Variants in TMEM135 observed in about 807,000 individuals in gnomAD.
TMEM135 encodes transmembrane protein 135.
Under a neutral mutation model 60.3 loss-of-function variants are expected in TMEM135, and 30 were observed. The observed-to-expected ratio is 0.50, with a 90% CI of 0.37 to 0.68. The LOEUF is 0.68. TMEM135 is among the 30% of genes least tolerant of loss of function. The pLI, the probability that TMEM135 is intolerant of heterozygous loss-of-function variation, is 0.00. For missense variants in TMEM135, 468 were observed against 548.8 expected, an observed-to-expected ratio of 0.85 and a Z score of 1.47; for synonymous variants, 190 against 186.7, an observed-to-expected ratio of 1.02 and a Z score of -0.14.
intron 6 of TMEM135, among the ~76,000 whole-genome samples, chr11:87,237,295 A>G (rs1041616727): frequency 3.9e-5 from 6 of 152,044 alleles, no homozygotes; most frequent in African/African-American, 1.4e-4. Context: ...ATGATTTTTG[A>G]TTAGGGAGAG....
At chr11:87,297,562 ACTTAGT>A (rs1942368446) in intron 7 of TMEM135, among the ~76,000 whole-genome samples, 1 of 152,242 alleles carries the variant, frequency 6.6e-6, no homozygotes. Context: ...AGAAGGAAAA[ACTTAGT>A]CTTGTTTTCC....
At chr11:87,273,077 T>C (rs566781787) in intron 6 of TMEM135, among the ~76,000 whole-genome samples, 2 of 152,296 alleles carry the variant, frequency 1.3e-5, no homozygotes, top group African/African-American at 4.8e-5. Context: ...ATATTTATTA[T>C]TCTCAGTGAT....
At chr11:87,298,258 T>G (rs931816258) in intron 7 of TMEM135, among the ~76,000 whole-genome samples, 2 of 152,140 alleles carry the variant, frequency 1.3e-5, no homozygotes, top group African/African-American at 4.8e-5. Context: ...TAAACTTTGG[T>G]GAGGAAAGGA....
intron 3 of TMEM135, among the ~76,000 whole-genome samples, chr11:87,074,623 T>A (rs1248155230): frequency 6.6e-6 from 1 of 152,238 alleles, no homozygotes; most frequent in Non-Finnish European, 1.5e-5. Flanking sequence ...AGTCAATGGT[T>A]ATTAACATTT....
chr11:87,064,782 A>G (rs1277457166), intron 1 of TMEM135, among the ~76,000 whole-genome samples: 1 of 152,078 alleles, frequency 6.6e-6, no homozygotes, highest in Non-Finnish European at 1.5e-5. Context: ...TACTTGGGAG[A>G]TTGAGGCAGG....
At chr11:87,080,852 A>G (rs1319301154) in intron 3 of TMEM135, among the ~76,000 whole-genome samples, 1 of 151,470 alleles carries the variant, frequency 6.6e-6, no homozygotes, top group African/African-American at 2.4e-5. Flanking sequence ...ACGCCTGGCT[A>G]ATTTTGTATT....
intron 5 of TMEM135, among the ~76,000 whole-genome samples, chr11:87,225,477 T>A (rs940497071): frequency 7.2e-5 from 11 of 152,112 alleles, no homozygotes; most frequent in Middle Eastern, 3.4e-3. Flanking sequence ...CTCCCTTTTT[T>A]ACAAGGACAG....
intron 4 of TMEM135, among the ~76,000 whole-genome samples, chr11:87,105,416 T>C (rs1270274389): frequency 2.6e-5 from 4 of 152,082 alleles, no homozygotes; most frequent in African/African-American, 9.7e-5. Context: ...GGTGGAACAG[T>C]TTCATCCTGA....
intron 4 of TMEM135, among the ~76,000 whole-genome samples, chr11:87,150,306 C>A (rs959434051): frequency 2.0e-4 from 30 of 151,994 alleles, no homozygotes; most frequent in African/African-American, 7.0e-4. Flanking sequence ...GCTTCTAACA[C>A]ATGAATTCCA....
intron 4 of TMEM135, among the ~76,000 whole-genome samples, chr11:87,106,658 A>G (rs746689808): frequency 1.3e-5 from 2 of 152,132 alleles, no homozygotes; most frequent in African/African-American, 2.4e-5. Flanking sequence ...GTAAGTGTTT[A>G]TTAGAATTCA....
chr11:87,172,518 G>A (rs753113636), intron 5 of TMEM135, among the ~76,000 whole-genome samples: 1 of 151,774 alleles, frequency 6.6e-6, no homozygotes, highest in Non-Finnish European at 1.5e-5. Context: ...CCTTCCAGGA[G>A]CATGGTGTAC....
At chr11:87,157,636 T>A (rs1053217967) in intron 5 of TMEM135, 10 of 431,644 alleles carry the variant, frequency 2.3e-5, no homozygotes, top group African/African-American at 1.0e-4. Flanking sequence ...TTATCAAATA[T>A]CTTTACTCTT....
At chr11:87,229,189 A>C (rs756310370) in intron 5 of TMEM135, among the ~76,000 whole-genome samples, 16 of 152,108 alleles carry the variant, frequency 1.1e-4, no homozygotes, top group Non-Finnish European at 1.8e-4. Context: ...TTAACCATCC[A>C]TATTTTTGTT....
At chr11:87,314,809 C>T (rs764036396) in intron 12 of TMEM135, among the ~76,000 whole-genome samples, 23 of 151,768 alleles carry the variant, frequency 1.5e-4, no homozygotes, top group Admixed American at 3.3e-4. Context: ...AGTCTCCTTT[C>T]ATCTATACTC....
chr11:87,247,399 T>A (rs1336027369), intron 6 of TMEM135, among the ~76,000 whole-genome samples: 4 of 152,148 alleles, frequency 2.6e-5, no homozygotes, highest in Non-Finnish European at 4.4e-5. Flanking sequence ...CAGACAGGGA[T>A]ATTTAAGTCT....
chr11:87,247,756 G>A (rs1474638633), intron 6 of TMEM135, among the ~76,000 whole-genome samples: 3 of 152,140 alleles, frequency 2.0e-5, no homozygotes, highest in Non-Finnish European at 4.4e-5. Context: ...GGTGCCGTCT[G>A]TCACCCCTTT....
chr11:87,169,089 T>G (rs1356699113), intron 5 of TMEM135, among the ~76,000 whole-genome samples: 1 of 151,926 alleles, frequency 6.6e-6, no homozygotes, highest in Admixed American at 6.6e-5. Flanking sequence ...TTTGTTGGTT[T>G]AAAGTCTGTT....
intron 6 of TMEM135, among the ~76,000 whole-genome samples, chr11:87,289,502 G>T (rs1257905117): frequency 7.4e-6 from 1 of 135,582 alleles, no homozygotes; most frequent in Non-Finnish European, 1.5e-5. Context: ...AGGCTGGAGT[G>T]CAGTGGTGCA....
chr11:87,210,424 T>A (rs1470661374), intron 5 of TMEM135, among the ~76,000 whole-genome samples: 1 of 152,076 alleles, frequency 6.6e-6, no homozygotes, highest in East Asian at 1.9e-4. Flanking sequence ...ATGAAATGAA[T>A]AAATTCTTGG....
Sources: gnomAD v4.1 joint callset for allele counts (sites outside exome capture counted in the v4.1 genomes callset) on GRCh38, gnomAD v4.1.1 for gene constraint, MANE v1.5 for transcripts, NCBI Gene and HGNC (gene_info 2026-07-23, HGNC 2026-07-21) for gene names.